ASIC5: variants seen among roughly 807,000 people sequenced by gnomAD.
The protein encoded by ASIC5 is acid sensing ion channel subunit family member 5, also known as bile acid-sensitive ion channel.
Under a neutral mutation model 51.2 loss-of-function variants are expected in ASIC5, and 52 were observed. The observed-to-expected ratio is 1.02, with a 90% CI of 0.81 to 1.28. The LOEUF (loss-of-function observed/expected upper bound fraction) is 1.28, where lower values mean the gene tolerates loss of function less well. Ranked by LOEUF, ASIC5 falls within the 50% of genes most tolerant of loss-of-function variation. The pLI is 0.00. For missense variants in ASIC5, 635 were observed against 595.0 expected (o/e 1.07, Z -0.70); for synonymous variants, 231 against 200.7 (o/e 1.15, Z -1.28).
intron 6 of ASIC5, among the ~76,000 whole-genome samples, chr4:155,840,874 C>T (rs1361538302): frequency 6.6e-6 from 1 of 151,984 alleles, no homozygotes; most frequent in African/African-American, 2.4e-5. Context: ...ACCCTGCCTC[C>T]AATGATCAGC....
chr4:155,830,703 G>A (rs940570939), intron 9 of ASIC5, among the ~76,000 whole-genome samples: 5 of 152,032 alleles, frequency 3.3e-5, no homozygotes, highest in African/African-American at 1.2e-4. Flanking sequence ...TTTGCAGGAT[G>A]TTTTCATCTT....
At chr4:155,845,886 G>C (rs1741229718) in intron 4 of ASIC5, among the ~76,000 whole-genome samples, 3 of 152,030 alleles carry the variant, frequency 2.0e-5, no homozygotes, top group Admixed American at 2.0e-4. Context: ...AACTGCCTAG[G>C]GTTGTAAAAC....
Position 155,831,806 on chromosome 4 carries a change from C to T in ASIC5, c.1327+18G>A, listed in dbSNP as rs531924765. The T allele has an allele frequency of 1.1e-5, 15 of 1,419,810 alleles. No individual in the cohort carries two copies. In the South Asian group the frequency reaches 1.5e-4, roughly 14 times the overall value. 88.0% of individuals were successfully genotyped at this position (1,419,810 alleles called of 1,614,324 possible). On this transcript the variant is annotated intron_variant, in intron 9 of 9. Transcript: ENST00000537611. ...ATAAGTAAATAAATAAAATAAGGAG[C>T]AATTAAATAACACTTACCAAGTAAC...
intron 4 of ASIC5, among the ~76,000 whole-genome samples, chr4:155,848,737 A>C (rs1380505363): frequency 6.6e-6 from 1 of 152,082 alleles, no homozygotes; most frequent in Non-Finnish European, 1.5e-5. Context: ...TGGAGATTGT[A>C]ACATCAGAAA....
rs1741774923 is a variant in ASIC5 at position 155,863,579 on chromosome 4, T to A, written c.216A>T (p.Ser72=). 2 of 1,613,540 alleles carry A rather than the reference T, an allele frequency of 1.2e-6. No individual in the cohort carries two copies. The highest frequency in any genetic ancestry group is 2.7e-5 in the African/African-American group (2 of 74,832). ...RVLWLVVVLG[S]VSLVTWQIYI... The stretch of plus-strand genomic sequence containing the variant: ...AGATCTGCCATGTCACAAGTGAGAC[T>A]GAGCCCAGAACCACCACCAACCAGA... Residue 72 remains serine (S), a synonymous_variant, in exon 2 of 10, where the codon TCA becomes TCT. Coordinates refer to ENST00000537611, the MANE Select transcript of ASIC5 (RefSeq NM_017419.3).
At chr4:155,843,590 C>A in intron 5 of ASIC5, 91 bp downstream of exon 5, 1 of 1,410,170 alleles carries the variant, frequency 7.1e-7, no homozygotes, top group Non-Finnish European at 9.7e-7. Flanking sequence ...GTTTTACAGG[C>A]ATGGGAGAAA....
At chr4:155,848,375 G>A (rs1184124799) in intron 4 of ASIC5, among the ~76,000 whole-genome samples, 1 of 151,786 alleles carries the variant, frequency 6.6e-6, no homozygotes, top group African/African-American at 2.4e-5. Context: ...TGGCTTACTT[G>A]GTATAAAATT....
At chr4:155,864,216 A>G (rs1173803279) in intron 1 of ASIC5, among the ~76,000 whole-genome samples, 2 of 152,194 alleles carry the variant, frequency 1.3e-5, no homozygotes, top group Non-Finnish European at 2.9e-5. Context: ...CTATGGTGGT[A>G]TAATTTATGG....
chr4:155,862,997 T>C (rs1408769455), intron 2 of ASIC5, among the ~76,000 whole-genome samples: 1 of 152,200 alleles, frequency 6.6e-6, no homozygotes, highest in Non-Finnish European at 1.5e-5. Context: ...ACTATGATTG[T>C]TGATGTTTCT....
At chr4:155,857,831 T>G (rs1192605540) in intron 2 of ASIC5, among the ~76,000 whole-genome samples, 1 of 152,140 alleles carries the variant, frequency 6.6e-6, no homozygotes, top group Non-Finnish European at 1.5e-5. Flanking sequence ...TTTAATGTCT[T>G]ACCATTCTTT....
rs754543137 is a variant in ASIC5 at position 155,852,227 on chromosome 4, A to G, written c.675T>C (p.Ser225=). The change falls in exon 4 of 10, where the codon TCT becomes TCC. Residue 225 remains serine, a synonymous_variant. Transcript: ENST00000537611. ...TLQAKRKVSV[S]GRGLSLLFNV... ...TGAAGAGTAAGCTCAAACCTCTTCCAGAGACACTCACTTTTCTCTTTGCTT... is the reference window on the plus strand; with the variant it reads ...TGAAGAGTAAGCTCAAACCTCTTCCGGAGACACTCACTTTTCTCTTTGCTT... 12 of 1,610,910 alleles carry G rather than the reference A, an allele frequency of 7.4e-6. No individual in the cohort carries two copies. Among genetic ancestry groups the G allele is most frequent in the Middle Eastern group, 1.6e-4 (1 of 6,064 alleles).
At chr4:155,837,840 TCACA>T (rs1329656172) in intron 7 of ASIC5, among the ~76,000 whole-genome samples, 1 of 151,660 alleles carries the variant, frequency 6.6e-6, no homozygotes, top group Non-Finnish European at 1.5e-5. Context: ...TAATACTCTC[TCACA>T]CACACAAACA....
chr4:155,839,721 TAA>T (rs923437010), intron 6 of ASIC5, among the ~76,000 whole-genome samples: 1 of 137,118 alleles, frequency 7.3e-6, no homozygotes. Flanking sequence ...ATACAATAAG[TAA>T]AAAAAAAAAA....
intron 7 of ASIC5, 72 bp from the exon 8 acceptor site, chr4:155,836,929 G>T: frequency 8.6e-7 from 1 of 1,161,916 alleles, no homozygotes. Context: ...GTTTTATAAA[G>T]TTTATCATTT....
At chr4:155,863,377 G>T in intron 2 of ASIC5, 71 bp downstream of exon 2, 1 of 1,227,614 alleles carries the variant, frequency 8.1e-7, no homozygotes, top group East Asian at 2.6e-5. Flanking sequence ...AAAACTCTTT[G>T]TCAGTCATCC....
intron 3 of ASIC5, 69 bp downstream of exon 3, chr4:155,854,008 C>T: frequency 8.5e-7 from 1 of 1,181,254 alleles, no homozygotes; most frequent in Non-Finnish European, 1.2e-6. Flanking sequence ...GCCGTGGGAG[C>T]TCAATGTGAA....
intron 2 of ASIC5, 32 bp downstream of exon 2, chr4:155,863,416 G>A: frequency 6.6e-7 from 1 of 1,510,262 alleles, no homozygotes; most frequent in South Asian, 1.2e-5. Flanking sequence ...AAATTTATAG[G>A]AACTAATTAT....
intron 5 of ASIC5, 27 bp downstream of exon 5, chr4:155,843,654 C>T (rs1048404523): frequency 1.2e-6 from 2 of 1,611,086 alleles, no homozygotes; most frequent in African/African-American, 1.3e-5. Context: ...ACTACCCCAC[C>T]TAATTTCCTC....
intron 4 of ASIC5, among the ~76,000 whole-genome samples, chr4:155,850,744 T>C (rs1480279850): frequency 6.6e-6 from 1 of 152,066 alleles, no homozygotes; most frequent in East Asian, 1.9e-4. Context: ...CATTTTGCAA[T>C]TAAAATCCCT....
Sources: gnomAD v4.1 joint callset for allele counts (sites outside exome capture counted in the v4.1 genomes callset) on GRCh38, gnomAD v4.1.1 for gene constraint, MANE v1.5 for transcripts, NCBI Gene and HGNC (gene_info 2026-07-23, HGNC 2026-07-21) for gene names.